The following COL11A1 variants were observed in gnomAD, a reference collection of about 807,000 sequenced individuals.
COL11A1 encodes the protein collagen type XI alpha 1 chain.
COL11A1 carries 74 observed loss-of-function variants against 265.2 expected under a neutral mutation model. That is an observed-to-expected ratio of 0.28 (90% CI 0.23 to 0.34). The LOEUF is 0.34. Among genes scored for constraint, COL11A1 ranks in the 10% least tolerant of loss-of-function variants. COL11A1 has a pLI of 1.00. For synonymous variants in COL11A1, 816 were observed against 727.6 expected, an observed-to-expected ratio of 1.12 and a Z score of -1.96; for missense variants, 2,165 against 2,263.6, an observed-to-expected ratio of 0.96 and a Z score of 0.88.
intron 54 of COL11A1, among the ~76,000 whole-genome samples, chr1:102,903,083 ATTTT>A (rs999481650): frequency 6.6e-6 from 1 of 151,292 alleles, no homozygotes; most frequent in Non-Finnish European, 1.5e-5. Context: ...TCAGCTCTAG[ATTTT>A]TTTTTCAGTA....
chr1:102,904,396 A>C (rs531855129), intron 54 of COL11A1, among the ~76,000 whole-genome samples: 7,845 of 151,228 alleles, frequency 0.052, 731 homozygotes, highest in African/African-American at 0.18. Context: ...AACTAAAGAG[A>C]TTCTGCACAG....
chr1:103,089,711 T>G (rs1673163778), intron 1 of COL11A1, among the ~76,000 whole-genome samples: 1 of 152,208 alleles, frequency 6.6e-6, no homozygotes, highest in Non-Finnish European at 1.5e-5. Context: ...TGTCTCATAG[T>G]TGAAGCATTT....
chr1:103,086,771 A>G (rs900686978), intron 1 of COL11A1, among the ~76,000 whole-genome samples: 1 of 151,994 alleles, frequency 6.6e-6, no homozygotes, highest in Non-Finnish European at 1.5e-5. Context: ...TCAAAAAACA[A>G]TACAAGTAGA....
intron 1 of COL11A1, among the ~76,000 whole-genome samples, chr1:103,096,014 G>A (rs1673729546): frequency 6.6e-6 from 1 of 151,988 alleles, no homozygotes; most frequent in Admixed American, 6.6e-5. Flanking sequence ...GGAATGTTCA[G>A]GGAGACTGGA....
At chr1:103,017,701 T>C (rs938986587) in intron 11 of COL11A1, 119 bp downstream of exon 11, 9 of 848,128 alleles carry the variant, frequency 1.1e-5, no homozygotes, top group Non-Finnish European at 1.8e-5. Context: ...ACTGAATTCA[T>C]GCTGCCTTTA....
At chr1:102,938,393 A>T (rs112329031) in intron 44 of COL11A1, among the ~76,000 whole-genome samples, 70 of 14,260 alleles carry the variant, frequency 4.9e-3, no homozygotes, top group Admixed American at 8.6e-3. Context: ...AAAAAAAATT[A>T]AAAAAAAAGA....
At chr1:102,987,813 G>A in intron 29 of COL11A1, 73 bp from the exon 30 acceptor site, 3 of 1,074,708 alleles carry the variant, frequency 2.8e-6, no homozygotes, top group African/African-American at 1.5e-5. Flanking sequence ...AAAAAATTAT[G>A]ACAGTGAAAG....
At position 103,017,814 on chromosome 1, in the gene COL11A1, A is replaced by G. The variant is rs1337013861; in HGVS notation, c.1413+6T>C. On this transcript the variant is annotated splice_donor_region_variant and intron_variant, in intron 11 of 66. Coordinates refer to ENST00000370096, the MANE Select transcript of COL11A1 (RefSeq NM_001854.4). ...TTGTAATGAGATATCATGTCCATTC[A>G]CTTACCCTATCGCCAGGGTCACCAG... 1 of 1,610,562 alleles carries G rather than the reference A, an allele frequency of 6.2e-7. No homozygotes were observed. Among genetic ancestry groups the G allele is most frequent in the African/African-American group, 1.3e-5 (1 of 74,820 alleles).
At chr1:102,937,719 G>A (rs1359845776) in intron 44 of COL11A1, among the ~76,000 whole-genome samples, 1 of 152,222 alleles carries the variant, frequency 6.6e-6, no homozygotes, top group East Asian at 1.9e-4. Context: ...CAGAACAAAA[G>A]CCCTCACCAT....
At chr1:102,938,800 G>A (rs1658416407) in intron 44 of COL11A1, among the ~76,000 whole-genome samples, 1 of 152,018 alleles carries the variant, frequency 6.6e-6, no homozygotes. Context: ...TCTTTCATGT[G>A]CTATAGCAGA....
At chr1:103,024,585 T>A (rs1485880267) in intron 7 of COL11A1, among the ~76,000 whole-genome samples, 2 of 152,150 alleles carry the variant, frequency 1.3e-5, no homozygotes, top group Admixed American at 6.5e-5. Context: ...GGTGAGAATA[T>A]TGCTATAATC....
chr1:103,069,604 A>C (rs1267053251), intron 4 of COL11A1, among the ~76,000 whole-genome samples: 1 of 151,676 alleles, frequency 6.6e-6, no homozygotes, highest in Non-Finnish European at 1.5e-5. Context: ...ATAAGAAAAC[A>C]AAAAAAAGGC....
chr1:102,973,051 G>C (rs950672469), intron 36 of COL11A1, among the ~76,000 whole-genome samples: 4 of 151,870 alleles, frequency 2.6e-5, no homozygotes, highest in Admixed American at 2.6e-4. Flanking sequence ...TAATTTACAG[G>C]AAGAGGTTTT....
chr1:103,065,270 C>G (rs1169627208), intron 4 of COL11A1, among the ~76,000 whole-genome samples: 1 of 152,108 alleles, frequency 6.6e-6, no homozygotes, highest in Non-Finnish European at 1.5e-5. Context: ...CCTATAATCC[C>G]AGCACTTTGG....
intron 1 of COL11A1, among the ~76,000 whole-genome samples, chr1:103,094,335 G>C (rs191320883): frequency 4.3e-4 from 65 of 152,278 alleles, no homozygotes; most frequent in African/African-American, 1.4e-3. Flanking sequence ...TCTGGCAGAA[G>C]TGGTCTGATT....
chr1:103,069,907 G>A (rs1300521816), intron 4 of COL11A1, among the ~76,000 whole-genome samples: 1 of 151,808 alleles, frequency 6.6e-6, no homozygotes, highest in Non-Finnish European at 1.5e-5. Context: ...GAGCATATCA[G>A]AGGTTGGCAA....
intron 46 of COL11A1, among the ~76,000 whole-genome samples, chr1:102,930,792 G>T (rs1225160725): frequency 6.6e-6 from 1 of 151,332 alleles, no homozygotes; most frequent in African/African-American, 2.4e-5. Flanking sequence ...TCTATTCAGA[G>T]ATTCAACTTC....
intron 4 of COL11A1, among the ~76,000 whole-genome samples, chr1:103,064,794 G>A (rs1670963534): frequency 6.6e-6 from 1 of 150,916 alleles, no homozygotes; most frequent in Non-Finnish European, 1.5e-5. Context: ...CTGTATGACT[G>A]CAACTAATAC....
chr1:103,013,350 T>C (rs968367723), intron 13 of COL11A1, among the ~76,000 whole-genome samples: 3 of 151,940 alleles, frequency 2.0e-5, no homozygotes, highest in African/African-American at 7.2e-5. Flanking sequence ...ATTATAATGC[T>C]TGCTACCTAT....
Sources: allele counts gnomAD v4.1 joint callset (sites outside exome capture counted in the v4.1 genomes callset), GRCh38; gene constraint gnomAD v4.1.1; transcripts MANE v1.5; gene names NCBI Gene and HGNC (gene_info 2026-07-23, HGNC 2026-07-21).